The following CNTNAP2 variants were observed in gnomAD, a reference collection of about 807,000 sequenced individuals.
CNTNAP2 encodes contactin-associated protein-like 2.
Under a neutral mutation model 155.2 loss-of-function variants are expected in CNTNAP2, and 98 were observed. The observed-to-expected ratio is 0.63, with a 90% CI of 0.54 to 0.75. The LOEUF is 0.75. Among genes scored for constraint, CNTNAP2 ranks in the 30% least tolerant of loss-of-function variants. The pLI is 0.00. For missense variants in CNTNAP2, 1,727 were observed against 1,688.1 expected (o/e 1.02, Z -0.40); for synonymous variants, 651 against 631.2 (o/e 1.03, Z -0.47).
At chr7:146,582,266 C>T (rs1798623397) in intron 1 of CNTNAP2, among the ~76,000 whole-genome samples, 1 of 152,244 alleles carries the variant, frequency 6.6e-6, no homozygotes, top group South Asian at 2.1e-4. Flanking sequence ...CGTTTGCATG[C>T]ATATAGAATC....
At chr7:146,872,009 G>A (rs1795319747) in intron 3 of CNTNAP2, among the ~76,000 whole-genome samples, 1 of 151,958 alleles carries the variant, frequency 6.6e-6, no homozygotes, top group African/African-American at 2.4e-5. Context: ...ACAACAGGAT[G>A]TCTGCATGAA....
At chr7:146,206,028 A>G (rs1798941179) in intron 1 of CNTNAP2, among the ~76,000 whole-genome samples, 1 of 151,930 alleles carries the variant, frequency 6.6e-6, no homozygotes, top group African/African-American at 2.4e-5. Flanking sequence ...TCGTTTAGGC[A>G]GAATTCTGTT....
At chr7:147,482,712 T>C (rs1474196027) in intron 10 of CNTNAP2, among the ~76,000 whole-genome samples, 9 of 130,860 alleles carry the variant, frequency 6.9e-5, no homozygotes, top group African/African-American at 2.7e-4. Flanking sequence ...CTGAGCGAGA[T>C]TCCGTCTCAA....
intron 3 of CNTNAP2, among the ~76,000 whole-genome samples, chr7:146,884,738 G>A (rs990539806): frequency 1.3e-5 from 2 of 152,124 alleles, no homozygotes; most frequent in Admixed American, 1.3e-4. Flanking sequence ...AAATGCTGAT[G>A]AGCAGGAATT....
intron 1 of CNTNAP2, among the ~76,000 whole-genome samples, chr7:146,424,150 G>A (rs1796053672): frequency 6.6e-6 from 1 of 152,092 alleles, no homozygotes; most frequent in South Asian, 2.1e-4. Context: ...CTAAAATGAT[G>A]GAACAGCTGT....
At chr7:147,095,457 G>C (rs1048530211) in intron 4 of CNTNAP2, among the ~76,000 whole-genome samples, 1 of 151,478 alleles carries the variant, frequency 6.6e-6, no homozygotes, top group Non-Finnish European at 1.5e-5. Flanking sequence ...TTTAACATAG[G>C]AATTTTGGGA....
rs1795234908 is a variant in CNTNAP2 at position 147,639,152 on chromosome 7, G to A, written c.1944G>A (p.Thr648=). 4 of 1,614,092 alleles carry A rather than the reference G, an allele frequency of 2.5e-6. No homozygotes were observed. The highest frequency in any genetic ancestry group is 1.1e-5 in the South Asian group (1 of 91,086). ...TIVSHDLQMQ[T]PVVGYNPEKY... ...TGTCTCATGACTTGCAGATGCAGACGCCTGTGGTCGGCTACAACCCAGAAA... is the reference window on the plus strand; with the variant it reads ...TGTCTCATGACTTGCAGATGCAGACACCTGTGGTCGGCTACAACCCAGAAA... Residue 648 remains threonine (T), a synonymous_variant, in exon 13 of 24, where the codon ACG becomes ACA. Transcript: ENST00000361727.
At chr7:146,137,307 C>A (rs762189966) in intron 1 of CNTNAP2, among the ~76,000 whole-genome samples, 6 of 152,078 alleles carry the variant, frequency 3.9e-5, no homozygotes, top group Admixed American at 2.0e-4. Context: ...TTTAAAAGTT[C>A]TTTCGGGCCA....
chr7:147,309,714 C>T (rs2116791838), intron 9 of CNTNAP2, among the ~76,000 whole-genome samples: 1 of 152,060 alleles, frequency 6.6e-6, no homozygotes, highest in Admixed American at 6.5e-5. Flanking sequence ...TGCAATGTTC[C>T]TCATTTTAAA....
intron 9 of CNTNAP2, among the ~76,000 whole-genome samples, chr7:147,391,472 T>G: frequency 6.6e-6 from 1 of 152,144 alleles, no homozygotes; most frequent in East Asian, 1.9e-4. Flanking sequence ...TCCCTTTCAG[T>G]ACAAGCTGGT....
chr7:147,862,324 C>A (rs1459896942), intron 13 of CNTNAP2, among the ~76,000 whole-genome samples: 4 of 152,132 alleles, frequency 2.6e-5, no homozygotes, highest in Non-Finnish European at 4.4e-5. Flanking sequence ...TTCAACCATT[C>A]CCCCGTACTC....
chr7:147,277,081 G>A (rs1169621706), intron 8 of CNTNAP2, among the ~76,000 whole-genome samples: 1 of 152,004 alleles, frequency 6.6e-6, no homozygotes, highest in Non-Finnish European at 1.5e-5. Flanking sequence ...TTGTGGTTCA[G>A]TAATTTATCT....
intron 1 of CNTNAP2, among the ~76,000 whole-genome samples, chr7:146,247,308 A>T (rs1799677270): frequency 6.6e-6 from 1 of 152,212 alleles, no homozygotes. Context: ...ATTGCTGAGC[A>T]GGTGCCGGAG....
At position 147,562,150 on chromosome 7, in the gene CNTNAP2, C is replaced by A. The variant is rs1800075941; in HGVS notation, c.1790C>A (p.Pro597His). 2 of 1,613,974 alleles carry A rather than the reference C, an allele frequency of 1.2e-6. No homozygotes were observed. The highest frequency in any genetic ancestry group is 1.7e-6 in the Non-Finnish European group (2 of 1,179,904). ...GATCHNSIYE[P>H]SCEAYKHLGQ... ...TTGTTTGTTCTAGCTATCTACGAGC[C>A]TTCCTGTGAAGCCTACAAACACCTA... Residue 597 changes from proline (P) to histidine (H), a missense_variant, in exon 12 of 24, where the codon CCT (proline) becomes CAT (histidine). By Grantham distance (77) the Pro-to-His change is moderately conservative (BLOSUM62 -2). Transcript: ENST00000361727.
intron 13 of CNTNAP2, among the ~76,000 whole-genome samples, chr7:147,827,035 A>C (rs976086146): frequency 6.7e-6 from 1 of 148,338 alleles, no homozygotes; most frequent in African/African-American, 2.5e-5. Context: ...GGTTCACACC[A>C]TTCTCCAACC....
intron 1 of CNTNAP2, among the ~76,000 whole-genome samples, chr7:146,197,473 A>G (rs1430116370): frequency 6.6e-6 from 1 of 152,148 alleles, no homozygotes; most frequent in Non-Finnish European, 1.5e-5. Context: ...TAAATTCAAG[A>G]AATTAGACCA....
In CNTNAP2 at chr7:147,093,796, C is replaced by G. The variant is rs143680334; in HGVS notation, c.551-14351C>G. ...GACTCAAGGTGTGATTCATCCAGGGCAAACTGCTCTCCTGCTGTGAACTTG... is the reference window on the plus strand; with the variant it reads ...GACTCAAGGTGTGATTCATCCAGGGGAAACTGCTCTCCTGCTGTGAACTTG... On this transcript the variant is annotated intron_variant, in intron 4 of 23. Coordinates refer to ENST00000361727, the MANE Select transcript of CNTNAP2 (RefSeq NM_014141.6). Among the ~76,000 whole-genome samples the G allele has an allele frequency of 2.0e-5, 3 of 152,262 alleles. No individual in the cohort carries two copies. The East Asian group carries it at 5.8e-4, about 29-fold the overall frequency.
intron 2 of CNTNAP2, among the ~76,000 whole-genome samples, chr7:146,794,386 G>A (rs1437337203): frequency 6.6e-6 from 1 of 152,156 alleles, no homozygotes; most frequent in African/African-American, 2.4e-5. Context: ...TTGATAGGAA[G>A]ACATTATTTA....
chr7:147,569,458 T>C (rs566127031), intron 12 of CNTNAP2, among the ~76,000 whole-genome samples: 1 of 152,318 alleles, frequency 6.6e-6, no homozygotes, highest in South Asian at 2.1e-4. Flanking sequence ...ACATCTAGAA[T>C]GGTGGTCCTA....
Sources: gnomAD v4.1 joint callset for allele counts (sites outside exome capture counted in the v4.1 genomes callset) on GRCh38, gnomAD v4.1.1 for gene constraint, MANE v1.5 for transcripts, NCBI Gene and HGNC (gene_info 2026-07-23, HGNC 2026-07-21) for gene names.